The following TIAL1 variants were observed in gnomAD, a reference collection of about 807,000 sequenced individuals.
TIAL1 encodes the protein nucleolysin TIAR.
TIAL1 carries 7 observed loss-of-function variants against 59.7 expected under a neutral mutation model. The ratio of observed to expected loss-of-function variants is 0.12; its 90% CI spans 0.07 to 0.22. The LOEUF (loss-of-function observed/expected upper bound fraction) is 0.22. Ranked by LOEUF, TIAL1 falls within the 10% of genes least tolerant of loss-of-function variation. TIAL1 has a pLI of 1.00. For synonymous variants in TIAL1, 149 were observed against 146.3 expected, an observed-to-expected ratio of 1.02 and a Z score of -0.13; for missense variants, 225 against 462.5, an observed-to-expected ratio of 0.49 and a Z score of 4.71.
intron 1 of TIAL1, among the ~76,000 whole-genome samples, chr10:119,592,888 T>G (rs1391551910): frequency 6.6e-6 from 1 of 152,214 alleles, no homozygotes; most frequent in Non-Finnish European, 1.5e-5. Flanking sequence ...ATCCATGGTA[T>G]AGCCAGTCAA....
At chr10:119,586,032 C>T (rs1413585062) in intron 2 of TIAL1, among the ~76,000 whole-genome samples, 13 of 152,178 alleles carry the variant, frequency 8.5e-5, no homozygotes, top group Admixed American at 5.2e-4. Context: ...TACCATCATT[C>T]TCTCTCTGTG....
At position 119,577,196 on chromosome 10, in the gene TIAL1, T is replaced by C. The variant is rs767186195; in HGVS notation, c.745A>G (p.Thr249Ala). The stretch of plus-strand genomic sequence containing the variant: ...ATGGCATGGGCTGCACTTTCATGGG[T>C]TGAAAATCTAAGAAAGAAAAATGAT... Reference protein sequence around the residue: ...EKGYSFVRFSTHESAAHAIVS... With the variant: ...EKGYSFVRFSAHESAAHAIVS... The change falls in exon 10 of 12, where the codon ACC (threonine) becomes GCC (alanine). Residue 249 changes from threonine to alanine, a missense_variant. By Grantham distance (58) the Thr-to-Ala change is moderately conservative. This residue lies in a region of TIAL1 where 80 missense variants were observed against 158.8 expected (regional missense o/e 0.50). Transcript: ENST00000436547. 2.5e-6 allele frequency: 4 copies of C among 1,594,896 alleles called. No individual in the cohort carries two copies. The East Asian group carries it at 8.9e-5, about 36-fold the overall frequency.
chr10:119,590,821 A>AAAGAAAGG (rs1845846066), intron 1 of TIAL1, among the ~76,000 whole-genome samples: 1 of 150,686 alleles, frequency 6.6e-6, no homozygotes, highest in East Asian at 2.0e-4. Context: ...AGAAAGAAAG[A>AAAGAAAGG]AACGAACAAG....
At position 119,575,540 on chromosome 10, in the gene TIAL1, A is replaced by G; in HGVS notation, c.*125T>C. The G allele has an allele frequency of 7.5e-7, 1 of 1,338,146 alleles. No individual in the cohort carries two copies. Among genetic ancestry groups the G allele is most frequent in the Non-Finnish European group, 1.0e-6 (1 of 959,440 alleles). The allele number at this position is 1,338,146 out of a possible 1,614,324, so 82.9% of individuals were successfully genotyped here. ...CTTCACCAAAGCAAATCTGTGCTAA[A>G]GGTTCCAAACATTTCAATTTTTAAA... On this transcript the variant is annotated 3_prime_UTR_variant, in exon 12 of 12. Transcript: ENST00000436547.
intron 7 of TIAL1, 64 bp downstream of exon 7, chr10:119,578,662 T>G: frequency 7.5e-7 from 1 of 1,342,016 alleles, no homozygotes; most frequent in Non-Finnish European, 1.1e-6. Context: ...TGAGACTAGA[T>G]GAATACATGA....
intron 6 of TIAL1, among the ~76,000 whole-genome samples, chr10:119,579,333 A>C (rs1845189979): frequency 1.3e-5 from 2 of 152,140 alleles, no homozygotes; most frequent in Non-Finnish European, 2.9e-5. Flanking sequence ...GCGAGACTCT[A>C]TCTCAAAAAA....
chr10:119,577,391 A>AT, intron 9 of TIAL1, 60 bp downstream of exon 9: 1 of 1,528,840 alleles, frequency 6.5e-7, no homozygotes, highest in Non-Finnish European at 8.9e-7. Flanking sequence ...CCTGGAGAAC[A>AT]TAAGTGAAAG....
Position 119,580,602 on chromosome 10 carries a change from A to ATAC in TIAL1, c.372-593_372-592insGTA, listed in dbSNP as rs1486231485. On this transcript the variant is annotated intron_variant, in intron 5 of 11. Transcript: ENST00000436547. ...GAAAGGAGAATAAAAAACTAACAAC[A>ATAC]ATGCTAAGCACACCAGTACGAAAAC... The ATAC allele has an allele frequency of 4.5e-5, 45 of 1,000,068 alleles. No individual in the cohort carries two copies. The South Asian group carries it at 1.7e-3, about 38-fold the overall frequency. 61.9% of individuals were successfully genotyped at this position (1,000,068 alleles called of 1,614,324 possible). A position where few individuals can be genotyped will look rare whatever the true frequency, so the allele number is the denominator to read the frequency against.
At chr10:119,590,906 G>A (rs1845851326) in intron 1 of TIAL1, among the ~76,000 whole-genome samples, 1 of 151,754 alleles carries the variant, frequency 6.6e-6, no homozygotes, top group Admixed American at 6.6e-5. Flanking sequence ...AAAGAAGGAT[G>A]GATAAAACTG....
At chr10:119,596,383 C>A in intron 1 of TIAL1, 51 bp downstream of exon 1, 1 of 1,607,032 alleles carries the variant, frequency 6.2e-7, no homozygotes, top group Non-Finnish European at 8.5e-7. Context: ...CTTAGCGTCC[C>A]GCGGTGCCCG....
In TIAL1 at chr10:119,596,580, C is replaced by A. The variant is rs1846212695; in HGVS notation, c.-115G>T. ...CACCGGCTGGGGACAGAGGAAAAGG[C>A]ACCGAACCCTGCTCTCGGGCTCTCT... On this transcript the variant is annotated 5_prime_UTR_variant, in exon 1 of 12. Transcript: ENST00000436547. The A allele has an allele frequency of 2.4e-6, 2 of 825,160 alleles. No individual in the cohort carries two copies. The highest frequency in any genetic ancestry group is 1.9e-6 in the Non-Finnish European group (1 of 530,164). The allele number at this position is 825,160 out of a possible 1,614,324, so 51.1% of individuals were successfully genotyped here.
intron 1 of TIAL1, among the ~76,000 whole-genome samples, chr10:119,588,591 G>A (rs1347683152): frequency 2.0e-5 from 3 of 152,116 alleles, no homozygotes; most frequent in Admixed American, 6.6e-5. Flanking sequence ...TGATCTGTCC[G>A]CCTTGGCCTC....
intron 1 of TIAL1, among the ~76,000 whole-genome samples, chr10:119,592,865 A>G (rs1023898386): frequency 1.3e-5 from 2 of 152,216 alleles, no homozygotes. Flanking sequence ...GATTATAGCC[A>G]CAGTATAGCC....
intron 1 of TIAL1, among the ~76,000 whole-genome samples, chr10:119,594,191 TCA>T (rs928076826): frequency 1.2e-4 from 19 of 152,176 alleles, no homozygotes; most frequent in African/African-American, 3.9e-4. Context: ...TATGAACATG[TCA>T]CAGTTTTAGA....
chr10:119,582,096 C>T lies in TIAL1; in HGVS notation c.283+73G>A. The T allele has an allele frequency of 6.3e-7, 1 of 1,586,096 alleles. No individual in the cohort carries two copies. Among genetic ancestry groups the T allele is most frequent in the Non-Finnish European group, 8.6e-7 (1 of 1,162,664 alleles). On this transcript the variant is annotated intron_variant, in intron 4 of 11. Coordinates refer to ENST00000436547, the MANE Select transcript of TIAL1 (RefSeq NM_003252.4). The surrounding 1 kb of genome is among the most constrained non-coding windows in gnomAD (Gnocchi z 5.1). ...GCAACTCTAGAGGAGGAAAAAAAAA[C>T]CTATTTAAGCTGGTAATGCCTCCTG...
chr10:119,596,119 G>A (rs979422323), intron 1 of TIAL1, among the ~76,000 whole-genome samples: 2 of 152,162 alleles, frequency 1.3e-5, no homozygotes, highest in South Asian at 4.2e-4. Context: ...CAACGCGGAG[G>A]GGGTGCAGGA....
intron 2 of TIAL1, among the ~76,000 whole-genome samples, chr10:119,585,948 C>T (rs976554645): frequency 1.3e-5 from 2 of 152,178 alleles, no homozygotes; most frequent in Non-Finnish European, 2.9e-5. Flanking sequence ...ACTGTAGGAT[C>T]TTTCTTCCCT....
chr10:119,596,792 G>A lies in TIAL1; in HGVS notation c.-327C>T, dbSNP rs974010794. Reference sequence around the variant, plus strand: ...GGACGACCGAGGGGAGAGAAAAAAGGGCCGCCGAGGAAACCCTGGGACCCG... The same window carrying A: ...GGACGACCGAGGGGAGAGAAAAAAGAGCCGCCGAGGAAACCCTGGGACCCG... On this transcript the variant is annotated 5_prime_UTR_variant, in exon 1 of 12. Transcript: ENST00000436547. The A allele has an allele frequency of 3.1e-5, 12 of 392,408 alleles. No homozygotes were observed. Among genetic ancestry groups the A allele is most frequent in the Non-Finnish European group, 5.1e-5 (11 of 213,820 alleles). The allele number at this position is 392,408 out of a possible 1,614,324, so 24.3% of individuals were successfully genotyped here.
chr10:119,578,857 A>G, intron 6 of TIAL1, 23 bp from the exon 7 acceptor site: 9 of 1,573,098 alleles, frequency 5.7e-6, no homozygotes, highest in Non-Finnish European at 7.0e-6. Context: ...AAGAAAGCAC[A>G]ATCACAAAGA....
Sources: allele counts gnomAD v4.1 joint callset (sites outside exome capture counted in the v4.1 genomes callset), GRCh38; gene constraint gnomAD v4.1.1; regional missense constraint gnomAD v4.1.1; non-coding constraint Gnocchi (gnomAD v3.1); transcripts MANE v1.5; gene names NCBI Gene and HGNC (gene_info 2026-07-23, HGNC 2026-07-21).